RAB2A: variants seen among roughly 807,000 people sequenced by gnomAD.
RAB2A encodes the protein RAB2A, member RAS oncogene family.
In RAB2A, 7 loss-of-function variants were observed where a neutral mutation model predicts 32.5. That is an observed-to-expected ratio of 0.22 (90% CI 0.12 to 0.40). The LOEUF (loss-of-function observed/expected upper bound fraction) is 0.40. Ranked by LOEUF, RAB2A falls within the 10% of genes least tolerant of loss-of-function variation. The pLI is 1.00. For synonymous variants in RAB2A, 79 were observed against 85.2 expected (o/e 0.93, Z 0.40); for missense variants, 108 against 260.7 (o/e 0.41, Z 4.03).
chr8:60,620,649 A>G (rs1804512214), intron 7 of RAB2A, 25 bp from the exon 8 acceptor site: 1 of 1,501,460 alleles, frequency 6.7e-7, no homozygotes, highest in Non-Finnish European at 9.3e-7. Flanking sequence ...GGTCATATTT[A>G]TTGTTCTGTT....
At chr8:60,539,604 A>G (rs888167164) in intron 1 of RAB2A, among the ~76,000 whole-genome samples, 2 of 152,238 alleles carry the variant, frequency 1.3e-5, no homozygotes, top group South Asian at 2.1e-4. Context: ...ACTAAATGCA[A>G]TTGTGAAGGA....
chr8:60,581,143 G>GT (rs1216612801), intron 3 of RAB2A, among the ~76,000 whole-genome samples: 1 of 152,192 alleles, frequency 6.6e-6, no homozygotes, highest in African/African-American at 2.4e-5. Flanking sequence ...GACGGCTGCA[G>GT]TTTAAGCATC....
chr8:60,550,652 G>T (rs1189290479), intron 1 of RAB2A, among the ~76,000 whole-genome samples: 1 of 152,130 alleles, frequency 6.6e-6, no homozygotes, highest in Non-Finnish European at 1.5e-5. Context: ...CTCCCAAAGT[G>T]CTAGGGAAGG....
chr8:60,619,559 A>AT (rs1166075421), intron 7 of RAB2A, among the ~76,000 whole-genome samples: 5 of 152,028 alleles, frequency 3.3e-5, no homozygotes, highest in Non-Finnish European at 7.4e-5. Context: ...AAAGTACATG[A>AT]TTTTTTCATT....
intron 2 of RAB2A, among the ~76,000 whole-genome samples, chr8:60,561,083 G>A (rs1486246088): frequency 6.6e-6 from 1 of 152,178 alleles, no homozygotes; most frequent in Non-Finnish European, 1.5e-5. Flanking sequence ...GGCCCAAATG[G>A]TCTGGTTCTT....
At chr8:60,546,538 A>C (rs1016634402) in intron 1 of RAB2A, among the ~76,000 whole-genome samples, 3 of 152,198 alleles carry the variant, frequency 2.0e-5, no homozygotes, top group East Asian at 3.8e-4. Context: ...AGAAAGGATA[A>C]ACTACATGGA....
chr8:60,607,219 G>A (rs544700654), intron 6 of RAB2A, among the ~76,000 whole-genome samples: 9 of 150,068 alleles, frequency 6.0e-5, no homozygotes, highest in Non-Finnish European at 1.3e-4. Flanking sequence ...CACAAGGTCA[G>A]GAGATCGAGA....
At chr8:60,608,500 C>T (rs1224256089) in intron 6 of RAB2A, among the ~76,000 whole-genome samples, 2 of 131,356 alleles carry the variant, frequency 1.5e-5, no homozygotes, top group Non-Finnish European at 3.0e-5. Context: ...TCTCCTTCTT[C>T]CTCTCCTTCT....
intron 1 of RAB2A, among the ~76,000 whole-genome samples, chr8:60,540,570 C>T (rs1807625236): frequency 6.6e-6 from 1 of 152,214 alleles, no homozygotes; most frequent in Non-Finnish European, 1.5e-5. Flanking sequence ...ACTTCTGCCT[C>T]ACAGGTTTAA....
At chr8:60,545,008 G>T (rs1435147054) in intron 1 of RAB2A, among the ~76,000 whole-genome samples, 1 of 151,992 alleles carries the variant, frequency 6.6e-6, no homozygotes, top group Non-Finnish European at 1.5e-5. Context: ...GCCTCCCAAG[G>T]TACTGGGATT....
chr8:60,613,385 C>T (rs908986484), intron 6 of RAB2A, among the ~76,000 whole-genome samples: 1 of 152,152 alleles, frequency 6.6e-6, no homozygotes, highest in Non-Finnish European at 1.5e-5. Flanking sequence ...CATTAACCTT[C>T]CTAGCAATCC....
intron 6 of RAB2A, among the ~76,000 whole-genome samples, chr8:60,604,342 C>T (rs778574338): frequency 2.0e-5 from 3 of 152,032 alleles, no homozygotes; most frequent in Admixed American, 1.3e-4. Context: ...TTTATAACAG[C>T]GGGAGAAAGG....
At chr8:60,571,191 G>A (rs564242620) in intron 2 of RAB2A, among the ~76,000 whole-genome samples, 1 of 152,304 alleles carries the variant, frequency 6.6e-6, no homozygotes, top group Non-Finnish European at 1.5e-5. Context: ...TGTGAAGTCT[G>A]TGTTCCCTTT....
Position 60,517,148 on chromosome 8 carries a change from C to A in RAB2A, c.-60C>A. On this transcript the variant is annotated 5_prime_UTR_variant, in exon 1 of 8. Transcript: ENST00000262646. ...GCTGAGCGGCACCGGGGTTGGGGCG[C>A]GGAGGAGGAGCAGCAGCGGGAGGAG... is the stretch of plus-strand genomic sequence containing the variant. The A allele has an allele frequency of 6.9e-7, 1 of 1,453,398 alleles. No individual in the cohort carries two copies. The highest frequency in any genetic ancestry group is 9.1e-7 in the Non-Finnish European group (1 of 1,096,744). The allele number at this position is 1,453,398 out of a possible 1,614,324, so 90.0% of individuals were successfully genotyped here.
chr8:60,599,223 A>G (rs953616338), intron 6 of RAB2A, among the ~76,000 whole-genome samples: 1 of 152,200 alleles, frequency 6.6e-6, no homozygotes, highest in African/African-American at 2.4e-5. Flanking sequence ...ATCTAAAAAC[A>G]GCATGTGCAG....
rs1425134259 is a variant in RAB2A at position 60,622,344 on chromosome 8, G to A, written c.*1575G>A. The A allele has an allele frequency of 6.6e-6, 1 of 152,172 alleles. No individual in the cohort carries two copies. Among genetic ancestry groups the A allele is most frequent in the Admixed American group, 6.5e-5 (1 of 15,276 alleles). The allele number at this position is 152,172 out of a possible 1,614,324, so 9.4% of individuals were successfully genotyped here. A position where few individuals can be genotyped will look rare whatever the true frequency, so the allele number is the denominator to read the frequency against. On this transcript the variant is annotated 3_prime_UTR_variant, in exon 8 of 8. Coordinates refer to ENST00000262646, the MANE Select transcript of RAB2A (RefSeq NM_002865.3). Reference sequence around the variant, plus strand: ...GAAGATTCAGCAGTACTCTCTCAAAGGTTTGACAGTACTCTTGTGGGAAAT... The same window carrying A: ...GAAGATTCAGCAGTACTCTCTCAAAAGTTTGACAGTACTCTTGTGGGAAAT...
At chr8:60,534,421 C>A (rs929548978) in intron 1 of RAB2A, among the ~76,000 whole-genome samples, 1 of 152,066 alleles carries the variant, frequency 6.6e-6, no homozygotes, top group Non-Finnish European at 1.5e-5. Flanking sequence ...ATCACTGATG[C>A]CTGTGAATAG....
intron 1 of RAB2A, among the ~76,000 whole-genome samples, chr8:60,518,511 C>CGTCCTGG (rs1453326053): frequency 5.5e-5 from 8 of 144,726 alleles, no homozygotes; most frequent in African/African-American, 2.1e-4. Context: ...CAAAAGTTAG[C>CGTCCTGG]CGGGCGTCGT....
Position 60,574,587 on chromosome 8 carries a change from C to G in RAB2A, c.186+2474C>G, listed in dbSNP as rs750424069. On this transcript the variant is annotated intron_variant, in intron 3 of 7. Transcript: ENST00000262646. ...TATTTTAGTTTATTCACTTGTTCTT[C>G]TATTCTTAAAGTAGTCCCTTAAATA... is the stretch of plus-strand genomic sequence containing the variant. 4.6e-5 allele frequency among the ~76,000 whole-genome samples: 7 copies of G among 152,186 alleles called. 1 individual carries two copies. Among genetic ancestry groups the G allele is most frequent in the Non-Finnish European group, 1.0e-4 (7 of 68,034 alleles).
Sources: allele counts gnomAD v4.1 joint callset (sites outside exome capture counted in the v4.1 genomes callset), GRCh38; gene constraint gnomAD v4.1.1; transcripts MANE v1.5; gene names NCBI Gene and HGNC (gene_info 2026-07-23, HGNC 2026-07-21).